EPHA6: variants seen among roughly 807,000 people sequenced by gnomAD.
EPHA6 encodes the protein EPH receptor A6.
A neutral mutation model predicts 112.0 loss-of-function variants in EPHA6; 50 were observed. The ratio of observed to expected loss-of-function variants is 0.45; its 90% CI spans 0.36 to 0.56. The LOEUF (loss-of-function observed/expected upper bound fraction) is 0.56. Ranked by LOEUF, EPHA6 falls within the 20% of genes least tolerant of loss-of-function variation. EPHA6 has a pLI of 0.00. For missense variants in EPHA6, 1,280 were observed against 1,417.4 expected, an observed-to-expected ratio of 0.90 and a Z score of 1.56; for synonymous variants, 529 against 490.7, an observed-to-expected ratio of 1.08 and a Z score of -1.03.
intron 3 of EPHA6, among the ~76,000 whole-genome samples, chr3:97,153,314 A>C (rs976195293): frequency 6.6e-6 from 1 of 152,138 alleles, no homozygotes; most frequent in Non-Finnish European, 1.5e-5. Context: ...ATTCTGGTCC[A>C]TCAAATTATG....
intron 3 of EPHA6, among the ~76,000 whole-genome samples, chr3:97,133,872 A>C (rs1304475710): frequency 6.6e-6 from 1 of 152,016 alleles, no homozygotes; most frequent in African/African-American, 2.4e-5. Context: ...TCTAAATTTT[A>C]TCCTTTTAAG....
chr3:97,484,072 T>G lies in EPHA6; in HGVS notation c.2200+13T>G. The G allele has an allele frequency of 6.3e-7, 1 of 1,594,934 alleles. No individual in the cohort carries two copies. ...GTCATTGGGGCAGGTAAATGTCAAATCTACACTTTTGAACAAAACATTCCT... is the reference window on the plus strand; with the variant it reads ...GTCATTGGGGCAGGTAAATGTCAAAGCTACACTTTTGAACAAAACATTCCT... On this transcript the variant is annotated intron_variant, in intron 10 of 17. Coordinates refer to ENST00000389672, the MANE Select transcript of EPHA6 (RefSeq NM_001080448.3).
chr3:97,680,234 T>G (rs2031751049), intron 14 of EPHA6, among the ~76,000 whole-genome samples: 1 of 152,176 alleles, frequency 6.6e-6, no homozygotes, highest in African/African-American at 2.4e-5. Context: ...TCACTCTTCT[T>G]CTCTGATAGC....
chr3:97,458,261 A>G (rs551167165), intron 7 of EPHA6, among the ~76,000 whole-genome samples: 39 of 152,196 alleles, frequency 2.6e-4, no homozygotes, highest in Middle Eastern at 3.4e-3. Context: ...TTACTGTACT[A>G]TAAAGATAGG....
chr3:97,056,658 C>A (rs1443082690), intron 3 of EPHA6, among the ~76,000 whole-genome samples: 1 of 152,046 alleles, frequency 6.6e-6, no homozygotes, highest in East Asian at 1.9e-4. Flanking sequence ...TTCACAGAGC[C>A]CCTTATCAGT....
At chr3:97,439,514 A>T in intron 6 of EPHA6, 1 of 435,446 alleles carries the variant, frequency 2.3e-6, no homozygotes, top group Non-Finnish European at 3.1e-6. Context: ...TGTGCATTTT[A>T]ATGAATGCGA....
intron 15 of EPHA6, among the ~76,000 whole-genome samples, chr3:97,729,301 C>T (rs1205310400): frequency 6.6e-6 from 1 of 151,990 alleles, no homozygotes; most frequent in Non-Finnish European, 1.5e-5. Context: ...CATTTTCACA[C>T]TGCTATGAAG....
intron 5 of EPHA6, among the ~76,000 whole-genome samples, chr3:97,383,474 T>C (rs1479994030): frequency 6.6e-6 from 1 of 152,114 alleles, no homozygotes; most frequent in Non-Finnish European, 1.5e-5. Flanking sequence ...ATTGGCATGA[T>C]TTCTAGCCAA....
intron 12 of EPHA6, among the ~76,000 whole-genome samples, chr3:97,600,375 C>A (rs2093633281): frequency 6.6e-6 from 1 of 150,428 alleles, no homozygotes; most frequent in African/African-American, 2.5e-5. Context: ...CCAGTTTTTG[C>A]CCATTCAGTA....
intron 14 of EPHA6, among the ~76,000 whole-genome samples, chr3:97,657,068 G>A (rs547445533): frequency 6.6e-6 from 1 of 151,676 alleles, no homozygotes; most frequent in African/African-American, 2.4e-5. Context: ...ATTTAGGCCT[G>A]GTCCTTAATT....
chr3:97,053,364 G>A (rs182868937), intron 3 of EPHA6, among the ~76,000 whole-genome samples: 29 of 152,180 alleles, frequency 1.9e-4, no homozygotes, highest in African/African-American at 7.0e-4. Flanking sequence ...TAGTACATGG[G>A]AACATGTGCT....
chr3:96,952,369 G>A (rs547591872), intron 2 of EPHA6, among the ~76,000 whole-genome samples: 6 of 152,220 alleles, frequency 3.9e-5, no homozygotes, highest in African/African-American at 1.4e-4. Context: ...TGTTTGGATC[G>A]TGAAGGCTTT....
intron 13 of EPHA6, among the ~76,000 whole-genome samples, chr3:97,633,565 T>C (rs1339849341): frequency 6.6e-6 from 1 of 152,100 alleles, no homozygotes; most frequent in Admixed American, 6.6e-5. Flanking sequence ...CATGGCAATA[T>C]AGTGGATGCT....
At chr3:97,713,296 C>T (rs932765163) in intron 14 of EPHA6, among the ~76,000 whole-genome samples, 2 of 151,986 alleles carry the variant, frequency 1.3e-5, no homozygotes, top group Non-Finnish European at 2.9e-5. Context: ...AACCCAAGGA[C>T]CAATAGTTGG....
At chr3:97,014,814 C>T (rs1353550229) in intron 3 of EPHA6, among the ~76,000 whole-genome samples, 3 of 152,054 alleles carry the variant, frequency 2.0e-5, no homozygotes, top group Admixed American at 1.3e-4. Context: ...AGATAATTTT[C>T]CTTAACATAA....
At chr3:97,555,333 T>C (rs2093090246) in intron 11 of EPHA6, among the ~76,000 whole-genome samples, 2 of 152,136 alleles carry the variant, frequency 1.3e-5, no homozygotes, top group Admixed American at 6.6e-5. Flanking sequence ...CTATCATTGT[T>C]GGACATTTGG....
chr3:96,879,852 T>G (rs889780827), intron 2 of EPHA6, among the ~76,000 whole-genome samples: 2 of 152,114 alleles, frequency 1.3e-5, no homozygotes, highest in African/African-American at 4.8e-5. Context: ...TGTACTCGAT[T>G]TTGTAACCTG....
rs1576611919 is a variant in EPHA6 at position 97,170,777 on chromosome 3, AG to A, written c.1115-55485del. On this transcript the variant is annotated intron_variant, in intron 3 of 17. Coordinates refer to ENST00000389672, the MANE Select transcript of EPHA6 (RefSeq NM_001080448.3). Reference sequence around the variant, plus strand: ...AAGAAAAAAAAAGAAATATAGGACCAGGTCTGAGAGGAGACAGAGAAATAAA... The same window carrying A: ...AAGAAAAAAAAAGAAATATAGGACCAGTCTGAGAGGAGACAGAGAAATAAA... Among the ~76,000 whole-genome samples, 3 of 152,138 alleles carry A rather than the reference AG, an allele frequency of 2.0e-5. No individual in the cohort carries two copies. The East Asian group carries it at 5.8e-4, about 29-fold the overall frequency.
intron 11 of EPHA6, among the ~76,000 whole-genome samples, chr3:97,588,392 G>A (rs1005445532): frequency 2.0e-5 from 3 of 152,084 alleles, no homozygotes; most frequent in Admixed American, 6.6e-5. Flanking sequence ...TGTATCTATT[G>A]TCTACTTATA....
Sources: allele counts gnomAD v4.1 joint callset (sites outside exome capture counted in the v4.1 genomes callset), GRCh38; gene constraint gnomAD v4.1.1; transcripts MANE v1.5; gene names NCBI Gene and HGNC (gene_info 2026-07-23, HGNC 2026-07-21).